SNW1: variants seen among roughly 807,000 people sequenced by gnomAD.
SNW1 encodes the protein SNW domain-containing protein 1.
SNW1 carries 9 observed loss-of-function variants against 75.6 expected under a neutral mutation model. The observed-to-expected ratio is 0.12, with a 90% CI of 0.07 to 0.21. The LOEUF is 0.21. Among genes scored for constraint, SNW1 ranks in the 10% least tolerant of loss-of-function variants. The pLI, the probability that SNW1 is intolerant of heterozygous loss-of-function variation, is 1.00. For missense variants in SNW1, 409 were observed against 670.9 expected (o/e 0.61, Z 4.31); for synonymous variants, 200 against 219.1 (o/e 0.91, Z 0.77).
chr14:77,731,475 G>C (rs1439582592), intron 9 of SNW1, among the ~76,000 whole-genome samples: 1 of 152,236 alleles, frequency 6.6e-6, no homozygotes, highest in African/African-American at 2.4e-5. Flanking sequence ...TGGGAGGCCA[G>C]GGTGGAAGGA....
At chr14:77,734,862 A>C (rs139316570) in intron 8 of SNW1, 85 bp downstream of exon 8, 1 of 888,590 alleles carries the variant, frequency 1.1e-6, no homozygotes, top group Non-Finnish European at 1.8e-6. Context: ...GTGTTGTTTC[A>C]ACTACAGTTA....
At chr14:77,751,585 C>A (rs144173948) in intron 2 of SNW1, 105 bp from the exon 3 acceptor site, 2 of 840,852 alleles carry the variant, frequency 2.4e-6, no homozygotes, top group East Asian at 2.9e-5. Context: ...ATGCTAGATG[C>A]TAGAGATACA....
intron 11 of SNW1, 40 bp from the exon 12 acceptor site, chr14:77,720,868 T>C (rs963238532): frequency 2.4e-6 from 3 of 1,256,110 alleles, no homozygotes; most frequent in African/African-American, 3.0e-5. Flanking sequence ...AAACTCTTTA[T>C]AGACAAGCTG....
intron 3 of SNW1, among the ~76,000 whole-genome samples, chr14:77,748,199 T>C (rs964585853): frequency 2.0e-5 from 3 of 152,306 alleles, no homozygotes; most frequent in Middle Eastern, 3.4e-3. Context: ...GTTAAACAGA[T>C]GCTTGAAGGC....
chr14:77,758,124 G>A (rs531807129), intron 1 of SNW1, among the ~76,000 whole-genome samples: 1 of 152,132 alleles, frequency 6.6e-6, no homozygotes, highest in Admixed American at 6.5e-5. Context: ...GAGGCCAGGA[G>A]TTCGAGACCA....
intron 11 of SNW1, among the ~76,000 whole-genome samples, chr14:77,721,483 T>C (rs1170571137): frequency 6.6e-6 from 1 of 152,248 alleles, no homozygotes; most frequent in East Asian, 1.9e-4. Context: ...CTTTTCTATG[T>C]TGTCAATTCT....
intron 7 of SNW1, among the ~76,000 whole-genome samples, chr14:77,735,543 A>G (rs1364275542): frequency 6.6e-6 from 1 of 152,240 alleles, no homozygotes; most frequent in African/African-American, 2.4e-5. Context: ...TCGGCCTCCC[A>G]AAGTGCTGGG....
At chr14:77,758,294 G>A (rs2080858156) in intron 1 of SNW1, among the ~76,000 whole-genome samples, 1 of 123,516 alleles carries the variant, frequency 8.1e-6, no homozygotes, top group South Asian at 2.7e-4. Context: ...CTCCAGCCTG[G>A]GTGAGAGTGA....
At chr14:77,727,683 TC>T (rs2080596520) in intron 10 of SNW1, among the ~76,000 whole-genome samples, 1 of 152,230 alleles carries the variant, frequency 6.6e-6, no homozygotes, top group Admixed American at 6.5e-5. Flanking sequence ...ATGTGATGTA[TC>T]ACATTTACTG....
intron 2 of SNW1, among the ~76,000 whole-genome samples, chr14:77,753,825 T>C (rs192705659): frequency 0.021 from 3,173 of 151,688 alleles, 106 homozygotes; most frequent in African/African-American, 0.07. Flanking sequence ...TGGTGGCACG[T>C]GCCTGTAATC....
At chr14:77,748,954 A>G (rs1395043873) in intron 3 of SNW1, among the ~76,000 whole-genome samples, 1 of 152,228 alleles carries the variant, frequency 6.6e-6, no homozygotes, top group East Asian at 1.9e-4. Context: ...GGCTTTCAGC[A>G]TAAACAATTA....
chr14:77,735,837 G>T, intron 7 of SNW1, 100 bp downstream of exon 7: 1 of 746,042 alleles, frequency 1.3e-6, no homozygotes, highest in Non-Finnish European at 2.2e-6. Flanking sequence ...GAAACTACAA[G>T]TCAGTGTGGT....
chr14:77,738,344 C>A (rs369818984), intron 5 of SNW1, among the ~76,000 whole-genome samples: 1 of 152,000 alleles, frequency 6.6e-6, no homozygotes, highest in South Asian at 2.1e-4. Context: ...TCTGGTGGCT[C>A]AAGTCTGTAA....
At chr14:77,741,414 C>G (rs2080718056) in intron 3 of SNW1, among the ~76,000 whole-genome samples, 1 of 152,102 alleles carries the variant, frequency 6.6e-6, no homozygotes, top group Admixed American at 6.6e-5. Flanking sequence ...ACAGAACTTT[C>G]TATAAGCTAC....
chr14:77,741,227 T>G (rs566452051), intron 3 of SNW1, among the ~76,000 whole-genome samples: 2 of 151,920 alleles, frequency 1.3e-5, no homozygotes, highest in South Asian at 4.2e-4. Flanking sequence ...CTAAAGGTGT[T>G]TATAGGCCAT....
chr14:77,749,659 C>T (rs371377500), intron 3 of SNW1, among the ~76,000 whole-genome samples: 12 of 152,154 alleles, frequency 7.9e-5, no homozygotes, highest in East Asian at 1.9e-4. Flanking sequence ...CCCAGCTACT[C>T]GGGGGGCTGA....
At chr14:77,723,716 G>A (rs2080562179) in intron 10 of SNW1, among the ~76,000 whole-genome samples, 2 of 151,868 alleles carry the variant, frequency 1.3e-5, no homozygotes, top group African/African-American at 2.4e-5. Flanking sequence ...ATGCAGTGGC[G>A]CGATCTCAGC....
chr14:77,747,610 C>T (rs1254995810), intron 3 of SNW1, among the ~76,000 whole-genome samples: 4 of 151,484 alleles, frequency 2.6e-5, no homozygotes, highest in African/African-American at 7.3e-5. Flanking sequence ...CCGGCCACCC[C>T]GTCTGAGAAG....
intron 3 of SNW1, among the ~76,000 whole-genome samples, chr14:77,750,131 G>GTCGA (rs1308720061): frequency 8.5e-5 from 13 of 152,308 alleles, no homozygotes; most frequent in African/African-American, 2.6e-4. Flanking sequence ...AGCCCAGGAG[G>GTCGA]TCGAGGCTTC....
Sources: allele counts gnomAD v4.1 joint callset (sites outside exome capture counted in the v4.1 genomes callset), GRCh38; gene constraint gnomAD v4.1.1; transcripts MANE v1.5; gene names NCBI Gene and HGNC (gene_info 2026-07-23, HGNC 2026-07-21).